PPP1R1C: variants seen among roughly 807,000 people sequenced by gnomAD.
PPP1R1C encodes protein phosphatase 1 regulatory subunit 1C.
A neutral mutation model predicts 17.4 loss-of-function variants in PPP1R1C; 15 were observed. The observed-to-expected ratio is 0.86, with a 90% CI of 0.58 to 1.33. The LOEUF is 1.33. Among genes scored for constraint, PPP1R1C ranks in the 40% most tolerant of loss-of-function variants. The probability of loss-of-function intolerance (pLI) is 0.00; values close to 1 mark genes in which losing one functional copy is unlikely to be tolerated. For synonymous variants in PPP1R1C, 35 were observed against 43.1 expected (o/e 0.81, Z 0.73); for missense variants, 143 against 130.0 (o/e 1.10, Z -0.48).
intron 4 of PPP1R1C, among the ~76,000 whole-genome samples, chr2:182,092,584 G>A (rs1270337760): frequency 2.0e-5 from 3 of 152,088 alleles, no homozygotes; most frequent in Admixed American, 6.5e-5. Context: ...CCACCTATAA[G>A]CCTGTAAAAT....
chr2:182,072,038 G>A (rs1688155778), intron 4 of PPP1R1C, among the ~76,000 whole-genome samples: 3 of 152,172 alleles, frequency 2.0e-5, no homozygotes, highest in Non-Finnish European at 4.4e-5. Context: ...ATATATGTGT[G>A]AATAAGCATG....
chr2:182,054,415 C>T (rs560630623), intron 2 of PPP1R1C, among the ~76,000 whole-genome samples: 1 of 152,280 alleles, frequency 6.6e-6, no homozygotes, highest in African/African-American at 2.4e-5. Context: ...AGATCTCCCT[C>T]TTGCTACTAC....
intron 1 of PPP1R1C, among the ~76,000 whole-genome samples, chr2:181,973,375 T>C (rs1463254154): frequency 6.6e-6 from 1 of 152,116 alleles, no homozygotes; most frequent in African/African-American, 2.4e-5. Context: ...TTTTGCAGAG[T>C]TTACGCAGAG....
chr2:182,049,185 C>A (rs1037285978), intron 2 of PPP1R1C, among the ~76,000 whole-genome samples: 4 of 151,908 alleles, frequency 2.6e-5, no homozygotes, highest in African/African-American at 9.7e-5. Flanking sequence ...CAAAAGTGAG[C>A]TGGGTGTGGT....
At chr2:181,968,289 G>A (rs1347910961) in intron 1 of PPP1R1C, among the ~76,000 whole-genome samples, 1 of 152,132 alleles carries the variant, frequency 6.6e-6, no homozygotes, top group Non-Finnish European at 1.5e-5. Flanking sequence ...TGCTACAGTG[G>A]GGTGTTGAAG....
chr2:182,007,254 G>A (rs925186949), intron 2 of PPP1R1C, among the ~76,000 whole-genome samples: 5 of 152,016 alleles, frequency 3.3e-5, no homozygotes, highest in African/African-American at 9.7e-5. Context: ...GTCTATCTAC[G>A]TATACACTAA....
Position 181,961,127 on chromosome 2 carries a change from T to G in PPP1R1C, n.111+6493T>G. ...TAGCAGTTTTCTTGTCTTCCTTCCC[T>G]CCCTTCCTTCCTTCCTTTCACCTCT... is the stretch of plus-strand genomic sequence containing the variant. On this transcript the variant is annotated intron_variant and non_coding_transcript_variant, in intron 1 of 5. Coordinates refer to the PPP1R1C transcript ENST00000464264. The surrounding 1 kb of genome is among the most constrained non-coding windows in gnomAD (Gnocchi z 5.8). The G allele has an allele frequency of 1.6e-6, 1 of 615,092 alleles. No individual in the cohort carries two copies. Among genetic ancestry groups the G allele is most frequent in the Non-Finnish European group, 2.9e-6 (1 of 341,026 alleles). The allele number at this position is 615,092 out of a possible 1,614,324, so 38.1% of individuals were successfully genotyped here.
At chr2:181,966,381 C>G (rs963715610) in intron 1 of PPP1R1C, among the ~76,000 whole-genome samples, 101 of 152,132 alleles carry the variant, frequency 6.6e-4, no homozygotes, top group African/African-American at 2.4e-3. Context: ...GGTCATGTTC[C>G]AAATCTTAGA....
chr2:182,111,154 A>G (rs1396376465), intron 4 of PPP1R1C, among the ~76,000 whole-genome samples: 2 of 152,152 alleles, frequency 1.3e-5, no homozygotes, highest in East Asian at 1.9e-4. Flanking sequence ...CTTCTTCCCT[A>G]CCTTCTTAGT....
intron 4 of PPP1R1C, among the ~76,000 whole-genome samples, chr2:182,102,779 G>T (rs1689136441): frequency 6.6e-6 from 1 of 152,082 alleles, no homozygotes; most frequent in African/African-American, 2.4e-5. Context: ...CCTACCTAGA[G>T]GAGCATTTGA....
At chr2:182,035,778 T>G (rs1054672307) in intron 2 of PPP1R1C, among the ~76,000 whole-genome samples, 1 of 152,212 alleles carries the variant, frequency 6.6e-6, no homozygotes, top group African/African-American at 2.4e-5. Flanking sequence ...CCTATGGAAC[T>G]GTGAGTCAAT....
chr2:182,042,271 G>A (rs897304166), intron 2 of PPP1R1C, among the ~76,000 whole-genome samples: 30 of 152,184 alleles, frequency 2.0e-4, no homozygotes, highest in African/African-American at 7.0e-4. Context: ...ATTATTTCAT[G>A]TCACAGATAA....
intron 2 of PPP1R1C, among the ~76,000 whole-genome samples, chr2:182,022,423 A>G (rs146165073): frequency 3.2e-4 from 49 of 152,346 alleles, no homozygotes; most frequent in African/African-American, 1.1e-3. Flanking sequence ...AGATAAAACT[A>G]GCAGCACCAA....
At chr2:181,969,833 A>G (rs556565750) in intron 1 of PPP1R1C, among the ~76,000 whole-genome samples, 28 of 152,336 alleles carry the variant, frequency 1.8e-4, no homozygotes, top group Non-Finnish European at 1.2e-4. Context: ...GTTTTCAAAC[A>G]GCCTGTCTTC....
intron 4 of PPP1R1C, among the ~76,000 whole-genome samples, chr2:182,067,264 T>C (rs1168255926): frequency 1.3e-5 from 2 of 152,130 alleles, no homozygotes; most frequent in Admixed American, 6.6e-5. Context: ...ACTTCTGATA[T>C]GTCAAAAATA....
At chr2:181,959,914 G>A (rs1160778742) in intron 1 of PPP1R1C, among the ~76,000 whole-genome samples, 4 of 152,078 alleles carry the variant, frequency 2.6e-5, no homozygotes, top group Admixed American at 6.6e-5. Flanking sequence ...TAGCCATGCT[G>A]CAAAATAAGA....
At chr2:182,050,785 A>G (rs1687489139) in intron 2 of PPP1R1C, among the ~76,000 whole-genome samples, 1 of 152,198 alleles carries the variant, frequency 6.6e-6, no homozygotes, top group Non-Finnish European at 1.5e-5. Context: ...CTGACAGGAA[A>G]TTTCAAGAGA....
intron 2 of PPP1R1C, among the ~76,000 whole-genome samples, chr2:182,013,523 T>C (rs1370876112): frequency 6.6e-6 from 1 of 152,158 alleles, no homozygotes; most frequent in Non-Finnish European, 1.5e-5. Context: ...TTGGGTTAAA[T>C]CTGCTTGGTG....
intron 2 of PPP1R1C, among the ~76,000 whole-genome samples, chr2:181,980,071 C>T (rs897968652): frequency 2.0e-5 from 3 of 152,130 alleles, no homozygotes; most frequent in Non-Finnish European, 4.4e-5. Flanking sequence ...GCCTTCTTCT[C>T]TCAACTGTAT....
Sources: gnomAD v4.1 joint callset for allele counts (sites outside exome capture counted in the v4.1 genomes callset) on GRCh38, gnomAD v4.1.1 for gene constraint, Gnocchi (gnomAD v3.1) non-coding constraint, MANE v1.5 for transcripts, NCBI Gene and HGNC (gene_info 2026-07-23, HGNC 2026-07-21) for gene names.